KHDRBS2: variants seen among roughly 807,000 people sequenced by gnomAD.
The protein encoded by KHDRBS2 is KH RNA binding domain containing, signal transduction associated 2.
In KHDRBS2, 26 loss-of-function variants were observed where a neutral mutation model predicts 44.3. That is an observed-to-expected ratio of 0.59 (90% CI 0.43 to 0.81). KHDRBS2 has a LOEUF of 0.81. Ranked by LOEUF, KHDRBS2 falls within the 40% of genes least tolerant of loss-of-function variation. KHDRBS2 has a pLI of 0.00. For missense variants in KHDRBS2, 476 were observed against 433.1 expected, an observed-to-expected ratio of 1.10 and a Z score of -0.88; for synonymous variants, 194 against 151.1, an observed-to-expected ratio of 1.28 and a Z score of -2.08.
intron 1 of KHDRBS2, among the ~76,000 whole-genome samples, chr6:62,191,243 A>T (rs1442615408): frequency 6.6e-6 from 1 of 152,080 alleles, no homozygotes; most frequent in Non-Finnish European, 1.5e-5. Flanking sequence ...CTTATTGCTC[A>T]CCACTTTCTA....
intron 6 of KHDRBS2, among the ~76,000 whole-genome samples, chr6:61,776,745 A>G (rs192569925): frequency 2.6e-5 from 4 of 152,210 alleles, no homozygotes; most frequent in South Asian, 4.1e-4. Flanking sequence ...TCTCAGGGAT[A>G]TAGAACTAGA....
At chr6:61,598,329 C>T in the KHDRBS2 span, among the ~76,000 whole-genome samples, 1 of 152,020 alleles carries the variant, frequency 6.6e-6, no homozygotes, top group African/African-American at 2.4e-5. Context: ...ACATAAGGCC[C>T]TTTATGGCTT....
intron 1 of KHDRBS2, among the ~76,000 whole-genome samples, chr6:62,203,692 T>C (rs1169916663): frequency 3.9e-5 from 6 of 152,090 alleles, no homozygotes; most frequent in African/African-American, 7.2e-5. Context: ...AAAGACTTTA[T>C]ATAAAAGTTA....
chr6:62,062,082 C>G (rs574947101), intron 2 of KHDRBS2, among the ~76,000 whole-genome samples: 16 of 150,724 alleles, frequency 1.1e-4, no homozygotes, highest in African/African-American at 3.9e-4. Context: ...AGCTAACTAT[C>G]CTAAATATAT....
the KHDRBS2 span, among the ~76,000 whole-genome samples, chr6:61,669,128 T>C: frequency 4.0e-5 from 6 of 150,982 alleles, no homozygotes; most frequent in African/African-American, 1.5e-4. Context: ...ATATACATGA[T>C]GATTAGGGTT....
At chr6:61,794,713 T>G (rs1473089585) in intron 6 of KHDRBS2, among the ~76,000 whole-genome samples, 1 of 152,128 alleles carries the variant, frequency 6.6e-6, no homozygotes, top group African/African-American at 2.4e-5. Context: ...CCAACCAAAG[T>G]GGTTCTTAAC....
intron 6 of KHDRBS2, among the ~76,000 whole-genome samples, chr6:61,754,757 T>C (rs1374172070): frequency 1.3e-5 from 2 of 152,074 alleles, no homozygotes; most frequent in Non-Finnish European, 2.9e-5. Context: ...GAAAAAAAGA[T>C]AGGAGTGCAT....
At chr6:61,573,746 G>A in the KHDRBS2 span, among the ~76,000 whole-genome samples, 142 of 151,298 alleles carry the variant, frequency 9.4e-4, no homozygotes, top group Middle Eastern at 3.4e-3. Flanking sequence ...CTGAGATTGC[G>A]CCACTGCACT....
intron 2 of KHDRBS2, among the ~76,000 whole-genome samples, chr6:62,093,256 C>A (rs1441508135): frequency 1.3e-5 from 2 of 150,828 alleles, no homozygotes; most frequent in Non-Finnish European, 3.0e-5. Context: ...AAGGAATATG[C>A]AAAACACAAG....
At chr6:61,857,015 A>G (rs1026747256) in intron 6 of KHDRBS2, among the ~76,000 whole-genome samples, 3 of 152,120 alleles carry the variant, frequency 2.0e-5, no homozygotes, top group African/African-American at 7.2e-5. Context: ...CACCAATGTG[A>G]AGAATGGATT....
chr6:61,600,208 T>A, the KHDRBS2 span, among the ~76,000 whole-genome samples: 2 of 152,208 alleles, frequency 1.3e-5, no homozygotes, highest in African/African-American at 4.8e-5. Context: ...GAACCCAAGC[T>A]AAGCCATCAT....
chr6:62,282,896 A>C (rs2150197943), intron 1 of KHDRBS2, among the ~76,000 whole-genome samples: 1 of 152,280 alleles, frequency 6.6e-6, no homozygotes. Context: ...AACTGGGCCC[A>C]GGGAAAGAAA....
At chr6:62,185,503 C>A (rs1262896592) in intron 1 of KHDRBS2, among the ~76,000 whole-genome samples, 1 of 151,776 alleles carries the variant, frequency 6.6e-6, no homozygotes. Context: ...TCATATTTTC[C>A]TTTTTATTGA....
Position 61,901,296 on chromosome 6 carries a change from C to T in KHDRBS2, c.559G>A (p.Gly187Ser), listed in dbSNP as rs752257705. ...ATCCCTCTGCCTCTAATACCTCTGCCACGACCAGAGTCCTCTGAGCCATTT... is the reference window on the plus strand; with the variant it reads ...ATCCCTCTGCCTCTAATACCTCTGCTACGACCAGAGTCCTCTGAGCCATTT... ...YLNGSEDSGRGRGIRGRGIRI... is the reference protein window; with the variant it reads ...YLNGSEDSGRSRGIRGRGIRI... Residue 187 changes from glycine (G) to serine (S), a missense_variant, in exon 5 of 9, where the codon GGC becomes AGC. Gly to Ser is a moderately conservative substitution (Grantham distance 56). Transcript: ENST00000281156. The T allele has an allele frequency of 1.9e-6, 3 of 1,613,226 alleles. No homozygotes were observed. Among genetic ancestry groups the T allele is most frequent in the South Asian group, 1.1e-5 (1 of 91,052 alleles).
intron 3 of KHDRBS2, among the ~76,000 whole-genome samples, chr6:62,015,964 A>T (rs982930220): frequency 1.3e-5 from 2 of 152,318 alleles, no homozygotes; most frequent in Non-Finnish European, 2.9e-5. Flanking sequence ...TTATACTTAT[A>T]GTCATTAGCC....
chr6:61,672,770 C>A, the KHDRBS2 span, among the ~76,000 whole-genome samples: 35 of 148,896 alleles, frequency 2.4e-4, no homozygotes, highest in East Asian at 2.4e-3. Flanking sequence ...GAGTAGGTTG[C>A]GAAAATTTTC....
At chr6:61,557,759 T>G in the KHDRBS2 span, among the ~76,000 whole-genome samples, 3 of 152,190 alleles carry the variant, frequency 2.0e-5, no homozygotes, top group East Asian at 5.8e-4. Context: ...GCAGTGAAGC[T>G]ATTGGGTCCT....
At chr6:62,151,639 G>A (rs1156702413) in intron 2 of KHDRBS2, among the ~76,000 whole-genome samples, 1 of 152,140 alleles carries the variant, frequency 6.6e-6, no homozygotes, top group Non-Finnish European at 1.5e-5. Flanking sequence ...TCTGAAGGAA[G>A]TGGCAGTGGC....
intron 3 of KHDRBS2, among the ~76,000 whole-genome samples, chr6:62,039,036 G>C (rs1584303038): frequency 1.3e-5 from 2 of 151,890 alleles, no homozygotes; most frequent in African/African-American, 2.4e-5. Context: ...GTGGGTCTTG[G>C]CTTTGGTTAC....
Sources: allele counts gnomAD v4.1 joint callset (sites outside exome capture counted in the v4.1 genomes callset), GRCh38; gene constraint gnomAD v4.1.1; transcripts MANE v1.5; gene names NCBI Gene and HGNC (gene_info 2026-07-23, HGNC 2026-07-21).